CDH11: variants seen among roughly 807,000 people sequenced by gnomAD.
The protein encoded by CDH11 is cadherin 11.
CDH11 carries 11 observed loss-of-function variants against 67.8 expected under a neutral mutation model. The observed-to-expected ratio is 0.16, with a 90% CI of 0.10 to 0.27. The LOEUF is 0.27. Among genes scored for constraint, CDH11 ranks in the 10% least tolerant of loss-of-function variants. The pLI is 1.00. For synonymous variants in CDH11, 419 were observed against 400.0 expected, an observed-to-expected ratio of 1.05 and a Z score of -0.57; for missense variants, 847 against 1,031.2, an observed-to-expected ratio of 0.82 and a Z score of 2.45.
intron 3 of CDH11, among the ~76,000 whole-genome samples, chr16:64,999,333 A>ATGCATATG (rs1305385982): frequency 6.7e-6 from 1 of 149,540 alleles, no homozygotes; most frequent in East Asian, 2.0e-4. Context: ...ATTCTATTCT[A>ATGCATATG]TGCATATGCA....
chr16:65,005,021 G>T lies in CDH11; in HGVS notation c.-152C>A. The T allele has an allele frequency of 7.3e-7, 1 of 1,362,404 alleles. No homozygotes were observed. The highest frequency in any genetic ancestry group is 9.5e-7 in the Non-Finnish European group (1 of 1,057,258). The allele number at this position is 1,362,404 out of a possible 1,614,324, so 84.4% of individuals were successfully genotyped here. On this transcript the variant is annotated 5_prime_UTR_variant, in exon 3 of 13. Coordinates refer to ENST00000268603, the MANE Select transcript of CDH11 (RefSeq NM_001797.4). Reference sequence around the variant, plus strand: ...TGGTTGAGCTCATCACGTCAGGGCTGCCCACGTCCCCAGTTAGCTTCTGCA... The same window carrying T: ...TGGTTGAGCTCATCACGTCAGGGCTTCCCACGTCCCCAGTTAGCTTCTGCA...
chr16:64,975,507 G>A lies in CDH11; in HGVS notation c.1254-2467C>T, dbSNP rs548390247. 1.0e-3 allele frequency among the ~76,000 whole-genome samples: 152 copies of A among 152,296 alleles called. 2 individuals are homozygous for A. Among genetic ancestry groups the A allele is most frequent in the Non-Finnish European group, 1.7e-3 (117 of 68,028 alleles). On this transcript the variant is annotated intron_variant, in intron 8 of 12. Transcript: ENST00000268603. ...AAGTACAGGGGTAACAGAGGAAATG[G>A]AATCCTAGATGATGATGAAAGCCCA...
rs182577456 is a variant in CDH11 at position 65,063,926 on chromosome 16, A to G, written c.-297-9998T>C. On this transcript the variant is annotated intron_variant, in intron 1 of 12. Coordinates refer to ENST00000268603, the MANE Select transcript of CDH11 (RefSeq NM_001797.4). ...CCCACCTCCCTTTATGAGTGTTCCA[A>G]CCACACTTCAGGAAACACAGAGCTA... is the stretch of plus-strand genomic sequence containing the variant. 5.3e-5 allele frequency among the ~76,000 whole-genome samples: 8 copies of G among 152,284 alleles called. No homozygotes were observed. The East Asian group carries it at 1.5e-3, about 29-fold the overall frequency.
At chr16:65,006,078 CT>C (rs34588067) in intron 2 of CDH11, among the ~76,000 whole-genome samples, 45,656 of 152,030 alleles carry the variant, frequency 0.3, 7,452 homozygotes, top group South Asian at 0.5. Context: ...AAAACTTATT[CT>C]TCTCTAAGGA....
chr16:65,116,175 G>A (rs905800265), intron 1 of CDH11, among the ~76,000 whole-genome samples: 12 of 152,148 alleles, frequency 7.9e-5, no homozygotes, highest in African/African-American at 1.7e-4. Flanking sequence ...CCAGCAATCC[G>A]AGGCAGGGTA....
chr16:65,085,135 T>C (rs1175397303), intron 1 of CDH11, among the ~76,000 whole-genome samples: 1 of 152,150 alleles, frequency 6.6e-6, no homozygotes, highest in Non-Finnish European at 1.5e-5. Context: ...GGTCTCGAAC[T>C]CCTGACCTCA....
intron 2 of CDH11, among the ~76,000 whole-genome samples, chr16:65,053,096 A>G (rs990347742): frequency 6.6e-6 from 1 of 152,224 alleles, no homozygotes; most frequent in Non-Finnish European, 1.5e-5. Flanking sequence ...TAGATTCCCC[A>G]AGAGTGGAAA....
chr16:65,055,898 G>T (rs950759179), intron 1 of CDH11, among the ~76,000 whole-genome samples: 7 of 152,206 alleles, frequency 4.6e-5, no homozygotes, highest in Admixed American at 1.3e-4. Context: ...ATTAGGTTTA[G>T]ATGATGTCAT....
At chr16:65,061,852 T>A (rs1437059702) in intron 1 of CDH11, among the ~76,000 whole-genome samples, 1 of 152,206 alleles carries the variant, frequency 6.6e-6, no homozygotes, top group African/African-American at 2.4e-5. Flanking sequence ...CTGGGCTAAG[T>A]ACCTTTCTAC....
At chr16:65,107,300 TCTA>T (rs2142872160) in intron 1 of CDH11, among the ~76,000 whole-genome samples, 1 of 152,354 alleles carries the variant, frequency 6.6e-6, no homozygotes, top group African/African-American at 2.4e-5. Context: ...AATTATAGCT[TCTA>T]CCTCATTGAG....
In CDH11 at chr16:64,947,959, C is replaced by T. The variant is rs1229048952; in HGVS notation, c.2035G>A (p.Ala679Thr). The change falls in exon 13 of 13, where the codon GCC becomes ACC. Residue 679 changes from alanine to threonine, a missense_variant. By Grantham distance (58) the Ala-to-Thr change is moderately conservative. Around this residue, in one of 2 missense-constraint regions of CDH11, gnomAD observed 612 missense variants for 678.7 expected, o/e 0.90. Transcript: ENST00000268603. Reference sequence around the variant, plus strand: ...ATACCATCAGGATTCTGGAGGGTGGCAATATCAAAGGCTTCTGTGTCTTCT... The same window carrying T: ...ATACCATCAGGATTCTGGAGGGTGGTAATATCAAAGGCTTCTGTGTCTTCT... ...GEEDTEAFDI[A>T]TLQNPDGING... The T allele has an allele frequency of 6.2e-7, 1 of 1,614,142 alleles. No homozygotes were observed. Among genetic ancestry groups the T allele is most frequent in the South Asian group, 1.1e-5 (1 of 91,080 alleles).
chr16:64,982,299 A>G lies in CDH11; in HGVS notation c.1002T>C (p.Pro334=). The change falls in exon 8 of 13, where the codon CCT becomes CCC. Residue 334 remains proline (P), a splice_region_variant and synonymous_variant. Coordinates refer to ENST00000268603, the MANE Select transcript of CDH11 (RefSeq NM_001797.4). ...AGGCTCTTTTGGTTTCAAAATCTACAGGCTGGCAAGAATGAAGAGAAGATT... is the reference window on the plus strand; with the variant it reads ...AGGCTCTTTTGGTTTCAAAATCTACGGGCTGGCAAGAATGAAGAGAAGATT... ...TQEGVIKLKK[P]VDFETKRAYS... is the part of the protein sequence containing the mutation. The G allele has an allele frequency of 6.2e-7, 1 of 1,609,824 alleles. No individual in the cohort carries two copies. The highest frequency in any genetic ancestry group is 8.5e-7 in the Non-Finnish European group (1 of 1,177,314).
intron 3 of CDH11, among the ~76,000 whole-genome samples, chr16:65,001,050 A>G (rs2142517914): frequency 6.6e-6 from 1 of 152,192 alleles, no homozygotes; most frequent in East Asian, 1.9e-4. Flanking sequence ...AGCAAGGTTG[A>G]ATACATAGAT....
In CDH11 at chr16:64,991,865, G is replaced by A. The variant is rs779891218; in HGVS notation, c.714C>T (p.Ala238=). 4.5e-5 allele frequency: 72 copies of A among 1,613,706 alleles called. 1 individual carries two copies. In the South Asian group the frequency reaches 6.5e-4, roughly 15 times the overall value. Residue 238 remains alanine, a synonymous_variant, in exon 6 of 13, where the codon GCC becomes GCT. Coordinates refer to ENST00000268603, the MANE Select transcript of CDH11 (RefSeq NM_001797.4). The stretch of plus-strand genomic sequence containing the variant: ...CGCCCATATGTCCACCCATGTCCTT[G>A]GCCTGGATCACCACGTGGTACTCCT... ...AKEEYHVVIQ[A]KDMGGHMGGL... is the part of the protein sequence containing the mutation.
intron 1 of CDH11, among the ~76,000 whole-genome samples, chr16:65,090,576 C>T (rs1159566578): frequency 2.0e-5 from 3 of 152,240 alleles, no homozygotes; most frequent in Middle Eastern, 3.4e-3. Context: ...AATTATACTG[C>T]GGTCCTTTTT....
In CDH11 at chr16:64,949,154, C is replaced by T. The variant is rs1038510802; in HGVS notation, c.1895-1055G>A. ...TGGATACACTTCCTGGCCTGCCATC[C>T]TGACACCAGACAGGACTACTGGCAC... On this transcript the variant is annotated intron_variant, in intron 12 of 12. Transcript: ENST00000268603. Among the ~76,000 whole-genome samples the T allele has an allele frequency of 5.3e-5, 8 of 152,292 alleles. No individual in the cohort carries two copies. The South Asian group carries it at 1.7e-3, about 32-fold the overall frequency.
At chr16:65,066,551 C>T (rs571306180) in intron 1 of CDH11, among the ~76,000 whole-genome samples, 5 of 152,262 alleles carry the variant, frequency 3.3e-5, no homozygotes, top group South Asian at 2.1e-4. Context: ...AATTTTAAAA[C>T]GTTAATAAAA....
intron 2 of CDH11, among the ~76,000 whole-genome samples, chr16:65,035,016 C>A (rs576322223): frequency 6.6e-6 from 1 of 152,200 alleles, no homozygotes; most frequent in East Asian, 1.9e-4. Context: ...GGAACTGACC[C>A]GAGAGGCCTG....
At chr16:64,994,050 A>G (rs2142498652) in intron 4 of CDH11, among the ~76,000 whole-genome samples, 1 of 152,344 alleles carries the variant, frequency 6.6e-6, no homozygotes, top group Non-Finnish European at 1.5e-5. Flanking sequence ...TTATTTCTGT[A>G]ACATTTTCAG....
Sources: gnomAD v4.1 joint callset for allele counts (sites outside exome capture counted in the v4.1 genomes callset) on GRCh38, gnomAD v4.1.1 for gene constraint, gnomAD v4.1.1 regional missense constraint, MANE v1.5 for transcripts, NCBI Gene and HGNC (gene_info 2026-07-23, HGNC 2026-07-21) for gene names.